Variants in SLC71A2 observed in about 807,000 individuals in gnomAD.
SLC71A2 encodes hippocampus abundant transcript-like 1.
the SLC71A2 span, among the ~76,000 whole-genome samples, chr9:94,429,601 A>T: frequency 1.3e-5 from 2 of 152,258 alleles, no homozygotes; most frequent in Admixed American, 6.5e-5. Context: ...TACTAAAAAG[A>T]AGTATATCTG....
chr9:94,434,439 C>T, the SLC71A2 span, among the ~76,000 whole-genome samples: 9 of 152,156 alleles, frequency 5.9e-5, no homozygotes, highest in Admixed American at 4.6e-4. Flanking sequence ...GCCTCAGACT[C>T]CCAAGTAGCT....
the SLC71A2 span, among the ~76,000 whole-genome samples, chr9:94,437,474 T>C: frequency 6.6e-6 from 1 of 152,176 alleles, no homozygotes; most frequent in African/African-American, 2.4e-5. Flanking sequence ...TGTGGTGTTA[T>C]CTATGTCAGA....
the SLC71A2 span, chr9:94,459,957 C>T: frequency 5.9e-5 from 9 of 153,112 alleles, no homozygotes; most frequent in African/African-American, 1.9e-4. Flanking sequence ...AAATAAAAAC[C>T]TAGTCTCCTT....
At chr9:94,437,152 AG>A in the SLC71A2 span, among the ~76,000 whole-genome samples, 1 of 143,778 alleles carries the variant, frequency 7.0e-6, no homozygotes, top group African/African-American at 2.6e-5. Context: ...GAAAACTGGA[AG>A]TATCGCATGC....
the SLC71A2 span, chr9:94,445,235 C>T: frequency 7.0e-7 from 1 of 1,425,800 alleles, no homozygotes; most frequent in Admixed American, 2.0e-5. Flanking sequence ...CTAAGCCAAG[C>T]AAATGAAAGT....
the SLC71A2 span, among the ~76,000 whole-genome samples, chr9:94,410,516 G>A: frequency 2.0e-5 from 3 of 152,012 alleles, no homozygotes; most frequent in Admixed American, 6.6e-5. Context: ...GCACACCACC[G>A]CTCCTGGCTG....
the SLC71A2 span, chr9:94,438,619 A>G: frequency 5.8e-5 from 89 of 1,537,406 alleles, no homozygotes; most frequent in Non-Finnish European, 7.4e-5. Context: ...TAACTATTAC[A>G]AAGCAGTTGT....
At chr9:94,382,915 A>G in the SLC71A2 span, among the ~76,000 whole-genome samples, 2 of 152,080 alleles carry the variant, frequency 1.3e-5, no homozygotes, top group African/African-American at 2.4e-5. Flanking sequence ...GGATGGTCTC[A>G]ATCTCCTGAC....
chr9:94,431,269 T>C, the SLC71A2 span, among the ~76,000 whole-genome samples: 1 of 150,188 alleles, frequency 6.7e-6, no homozygotes, highest in Non-Finnish European at 1.5e-5. Context: ...GCTGAGATTG[T>C]GCCACTGCAC....
At chr9:94,402,687 G>A in the SLC71A2 span, among the ~76,000 whole-genome samples, 1 of 152,118 alleles carries the variant, frequency 6.6e-6, no homozygotes, top group Non-Finnish European at 1.5e-5. Flanking sequence ...GCAGAGCAGA[G>A]GTTTTTAATT....
chr9:94,417,801 A>AT, the SLC71A2 span, among the ~76,000 whole-genome samples: 1 of 146,294 alleles, frequency 6.8e-6, no homozygotes, highest in African/African-American at 2.5e-5. Flanking sequence ...TTCTTCAAAT[A>AT]TTTTTACTGT....
chr9:94,382,379 G>A, the SLC71A2 span, among the ~76,000 whole-genome samples: 1 of 151,200 alleles, frequency 6.6e-6, no homozygotes, highest in Admixed American at 6.6e-5. Context: ...GTCTGTTCTT[G>A]TCTTTTGCCT....
At chr9:94,460,757 T>A in the SLC71A2 span, 3 of 152,592 alleles carry the variant, frequency 2.0e-5, no homozygotes, top group African/African-American at 7.2e-5. Flanking sequence ...GAAAAAAATA[T>A]ATACAACTTT....
chr9:94,446,462 A>G, the SLC71A2 span, among the ~76,000 whole-genome samples: 1 of 152,226 alleles, frequency 6.6e-6, no homozygotes, highest in African/African-American at 2.4e-5. Context: ...AAGAAGTTAC[A>G]TTATGAATTG....
At chr9:94,412,887 T>C in the SLC71A2 span, among the ~76,000 whole-genome samples, 1 of 134,974 alleles carries the variant, frequency 7.4e-6, no homozygotes, top group Non-Finnish European at 1.6e-5. Flanking sequence ...TTTTGGGGGG[T>C]GATAAACATG....
chr9:94,434,402 C>G, the SLC71A2 span, among the ~76,000 whole-genome samples: 1 of 152,158 alleles, frequency 6.6e-6, no homozygotes, highest in Admixed American at 6.5e-5. Context: ...TGCAACTCCC[C>G]GCTGTCCGGG....
chr9:94,446,696 C>A, the SLC71A2 span: 1 of 496,228 alleles, frequency 2.0e-6, no homozygotes, highest in South Asian at 3.5e-5. Flanking sequence ...ATAGAACTTC[C>A]TTTTATTAAC....
the SLC71A2 span, among the ~76,000 whole-genome samples, chr9:94,425,382 C>G: frequency 6.6e-6 from 1 of 152,094 alleles, no homozygotes; most frequent in African/African-American, 2.4e-5. Context: ...AAATTCTTCG[C>G]AAGTTATTTT....
At chr9:94,451,692 G>C in the SLC71A2 span, among the ~76,000 whole-genome samples, 1 of 152,196 alleles carries the variant, frequency 6.6e-6, no homozygotes, top group African/African-American at 2.4e-5. Flanking sequence ...TATAATATCA[G>C]ATCAAGAAAC....
Sources: gnomAD v4.1 joint callset for allele counts (sites outside exome capture counted in the v4.1 genomes callset) on GRCh38, gnomAD v4.1.1 for gene constraint, MANE v1.5 for transcripts, NCBI Gene and HGNC (gene_info 2026-07-23, HGNC 2026-07-21) for gene names.